TEAD4: variants seen among roughly 807,000 people sequenced by gnomAD.
The protein encoded by TEAD4 is TEA domain transcription factor 4, also known as transcriptional enhancer factor TEF-3.
Under a neutral mutation model 52.4 loss-of-function variants are expected in TEAD4, and 36 were observed. That is an observed-to-expected ratio of 0.69 (90% CI 0.53 to 0.91). The LOEUF (loss-of-function observed/expected upper bound fraction) is 0.91, where lower values mean the gene tolerates loss of function less well. TEAD4 is among the 40% of genes least tolerant of loss of function. The probability of loss-of-function intolerance (pLI) is 0.00; values close to 1 mark genes in which losing one functional copy is unlikely to be tolerated. For missense variants in TEAD4, 508 were observed against 583.9 expected, an observed-to-expected ratio of 0.87 and a Z score of 1.34; for synonymous variants, 220 against 231.0, an observed-to-expected ratio of 0.95 and a Z score of 0.43.
chr12:3,005,930 G>A (rs571089135), intron 3 of TEAD4, among the ~76,000 whole-genome samples: 5 of 152,138 alleles, frequency 3.3e-5, no homozygotes, highest in Non-Finnish European at 7.4e-5. Flanking sequence ...GAGTCATGAC[G>A]CCCAGTCAAG....
chr12:3,005,895 C>T (rs981798591), intron 3 of TEAD4, among the ~76,000 whole-genome samples: 9 of 152,140 alleles, frequency 5.9e-5, no homozygotes, highest in Admixed American at 6.5e-5. Context: ...GCCTCAGGCT[C>T]CCAAAGTGCT....
At chr12:3,020,836 C>T (rs186911355) in intron 9 of TEAD4, 63 bp downstream of exon 9, 29 of 1,469,096 alleles carry the variant, frequency 2.0e-5, no homozygotes, top group South Asian at 7.3e-5. Context: ...TTTCTGCTTC[C>T]GGCAGTCTTG....
intron 6 of TEAD4, among the ~76,000 whole-genome samples, 167 bp from the exon 7 acceptor site, chr12:3,018,378 C>T (rs542437652): frequency 7.9e-5 from 12 of 152,284 alleles, no homozygotes; most frequent in Admixed American, 2.0e-4. Context: ...CTGAAACTCA[C>T]TCTGGGGGTG....
In TEAD4 at chr12:3,021,945, G is replaced by A. The variant is rs144593128; in HGVS notation, c.825G>A (p.Pro275=). The A allele has an allele frequency of 2.4e-5, 39 of 1,614,198 alleles. No individual in the cohort carries two copies. The highest frequency in any genetic ancestry group is 1.6e-4 in the Middle Eastern group (1 of 6,062). ...TCCGCCAAATCTATGACAAATTCCC[G>A]GAGAAAAAGGGTGGACTCAAGGATC... Residue 275 remains proline (P), a synonymous_variant, in exon 10 of 13, where the codon CCG becomes CCA. Coordinates refer to ENST00000359864, the MANE Select transcript of TEAD4 (RefSeq NM_003213.4).
rs201309412 is a variant in TEAD4 at position 3,020,680 on chromosome 12, G to A, written c.630G>A (p.Pro210=). ...CCGCCCCATCGCCCTCTGCGCCCCC[G>A]GCACCCCCATGGCAGGGCCGCAGCG... Residue 210 remains proline, a synonymous_variant, in exon 9 of 13, where the codon CCG becomes CCA. Coordinates refer to ENST00000359864, the MANE Select transcript of TEAD4 (RefSeq NM_003213.4). 94 of 1,604,888 alleles carry A rather than the reference G, an allele frequency of 5.9e-5. No individual in the cohort carries two copies. The East Asian group carries it at 1.4e-3, about 23-fold the overall frequency.
At chr12:2,964,081 A>C (rs1315416688) in intron 2 of TEAD4, among the ~76,000 whole-genome samples, 3 of 151,636 alleles carry the variant, frequency 2.0e-5, no homozygotes. Context: ...GGCTGATGAC[A>C]CATAGGGTGG....
chr12:3,018,565 A>G lies in TEAD4; in HGVS notation c.504A>G (p.Pro168=). ...CTCAGTTTTGGCAAGGAGCTTTGCC[A>G]GGCCAAGCCGGAACGTCCCATGAGT... Residue 168 remains proline, a synonymous_variant, in exon 7 of 13, where the codon CCA becomes CCG. Transcript: ENST00000359864. 1.9e-6 allele frequency: 3 copies of G among 1,614,064 alleles called. No individual in the cohort carries two copies. Among genetic ancestry groups the G allele is most frequent in the Non-Finnish European group, 2.5e-6 (3 of 1,179,962 alleles).
chr12:3,037,848 C>T, intron 10 of TEAD4, 120 bp from the exon 11 acceptor site: 1 of 1,244,480 alleles, frequency 8.0e-7, no homozygotes, highest in East Asian at 2.6e-5. Context: ...CTACTGTCTA[C>T]CCTCAGTCTG....
At chr12:3,010,356 G>A (rs534633503) in intron 3 of TEAD4, among the ~76,000 whole-genome samples, 20 of 152,350 alleles carry the variant, frequency 1.3e-4, no homozygotes, top group African/African-American at 4.1e-4. Flanking sequence ...GCAGTCCCTC[G>A]GGGGCTGGGC....
At chr12:3,018,338 A>C (rs2098266063) in intron 6 of TEAD4, among the ~76,000 whole-genome samples, 1 of 152,040 alleles carries the variant, frequency 6.6e-6, no homozygotes, top group Non-Finnish European at 1.5e-5. Flanking sequence ...TTTCCCATGG[A>C]GCCCCTCCTC....
At chr12:2,962,263 C>CAT (rs986858938) in intron 2 of TEAD4, among the ~76,000 whole-genome samples, 4 of 124,072 alleles carry the variant, frequency 3.2e-5, no homozygotes, top group Non-Finnish European at 6.7e-5. Context: ...CGGCTAGTTT[C>CAT]ATATATATAT....
intron 9 of TEAD4, 98 bp from the exon 10 acceptor site, chr12:3,021,746 G>A (rs1395263041): frequency 7.6e-6 from 10 of 1,319,378 alleles, no homozygotes; most frequent in Middle Eastern, 2.0e-4. Context: ...AAGGCCAAGC[G>A]GCTTGCACCA....
chr12:3,012,500 G>A (rs764846469), intron 5 of TEAD4, among the ~76,000 whole-genome samples: 6 of 152,148 alleles, frequency 3.9e-5, no homozygotes, highest in Non-Finnish European at 8.8e-5. Context: ...GGGCTCACAC[G>A]GCTCAGAGCA....
At chr12:2,991,404 G>A (rs1235343874) in intron 2 of TEAD4, among the ~76,000 whole-genome samples, 3 of 152,190 alleles carry the variant, frequency 2.0e-5, no homozygotes, top group Non-Finnish European at 2.9e-5. Flanking sequence ...GCTCACGCCT[G>A]TGATTTCAGC....
At chr12:2,979,766 A>G (rs2098232690) in intron 2 of TEAD4, among the ~76,000 whole-genome samples, 1 of 152,188 alleles carries the variant, frequency 6.6e-6, no homozygotes, top group Non-Finnish European at 1.5e-5. Flanking sequence ...TCACATCTTA[A>G]AGGCTCCATC....
intron 2 of TEAD4, among the ~76,000 whole-genome samples, chr12:2,976,497 G>T (rs1156763421): frequency 2.0e-5 from 3 of 152,176 alleles, no homozygotes; most frequent in African/African-American, 4.8e-5. Flanking sequence ...GTTTCCAGGG[G>T]CCTCTGGGCC....
intron 2 of TEAD4, among the ~76,000 whole-genome samples, chr12:2,984,449 C>T (rs975255679): frequency 5.3e-5 from 8 of 151,828 alleles, no homozygotes; most frequent in South Asian, 2.1e-4. Context: ...GACATGTAGG[C>T]GACAGAAAGA....
intron 11 of TEAD4, among the ~76,000 whole-genome samples, 159 bp from the exon 12 acceptor site, chr12:3,039,948 A>G (rs2098281671): frequency 1.3e-5 from 2 of 152,122 alleles, no homozygotes; most frequent in Non-Finnish European, 2.9e-5. Context: ...TGGCCTCCCA[A>G]AGTGTTGGGA....
intron 2 of TEAD4, among the ~76,000 whole-genome samples, chr12:2,965,716 TG>T (rs1211794241): frequency 2.0e-5 from 3 of 151,890 alleles, no homozygotes; most frequent in Admixed American, 2.0e-4. Context: ...CTAATTTTTT[TG>T]TATTTTTTAG....
Sources: allele counts gnomAD v4.1 joint callset (sites outside exome capture counted in the v4.1 genomes callset), GRCh38; gene constraint gnomAD v4.1.1; transcripts MANE v1.5; gene names NCBI Gene and HGNC (gene_info 2026-07-23, HGNC 2026-07-21).